Variants in ANAPC2 observed in about 807,000 individuals in gnomAD.
ANAPC2 encodes anaphase-promoting complex subunit 2.
In ANAPC2, 29 loss-of-function variants were observed where a neutral mutation model predicts 84.3. The observed-to-expected ratio is 0.34, with a 90% CI of 0.26 to 0.47. ANAPC2 has a LOEUF of 0.47. ANAPC2 is among the 20% of genes least tolerant of loss of function. The pLI, the probability that ANAPC2 is intolerant of heterozygous loss-of-function variation, is 1.00. For synonymous variants in ANAPC2, 571 were observed against 479.4 expected, an observed-to-expected ratio of 1.19 and a Z score of -2.50; for missense variants, 857 against 1,131.7, an observed-to-expected ratio of 0.76 and a Z score of 3.48.
chr9:137,188,207 C>A lies in ANAPC2; in HGVS notation c.118-104G>T. 4 of 1,442,172 alleles carry A rather than the reference C, an allele frequency of 2.8e-6. No homozygotes were observed. The South Asian group carries it at 3.9e-5, about 14-fold the overall frequency. 89.3% of individuals were successfully genotyped at this position (1,442,172 alleles called of 1,614,324 possible). On this transcript the variant is annotated intron_variant, in intron 1 of 12. Transcript: ENST00000323927. ...GGAGGCTGCAAAAACTCCGCTGCCC[C>A]CTGTCCGTGCTGCCCGGACGTTGGG... is the stretch of plus-strand genomic sequence containing the variant.
intron 6 of ANAPC2, among the ~76,000 whole-genome samples, chr9:137,182,412 G>A (rs1261945172): frequency 6.6e-6 from 1 of 152,110 alleles, no homozygotes; most frequent in Middle Eastern, 3.2e-3. Context: ...GGGAGGCTGA[G>A]GCAGGAGAAT....
chr9:137,180,940 G>C lies in ANAPC2; in HGVS notation c.1469-11C>G. The C allele has an allele frequency of 1.2e-6, 2 of 1,611,470 alleles. No homozygotes were observed. Among genetic ancestry groups the C allele is most frequent in the Non-Finnish European group, 1.7e-6 (2 of 1,179,036 alleles). Reference sequence around the variant, plus strand: ...TGGAGCTCGACTTCCCTGGCATGGTGGGGGCAGGGGTGTCACCTGACAGGC... The same window carrying C: ...TGGAGCTCGACTTCCCTGGCATGGTCGGGGCAGGGGTGTCACCTGACAGGC... On this transcript the variant is annotated splice_polypyrimidine_tract_variant and intron_variant, in intron 7 of 12. Coordinates refer to ENST00000323927, the MANE Select transcript of ANAPC2 (RefSeq NM_013366.4).
intron 10 of ANAPC2, chr9:137,176,077 G>T (rs1834203444): frequency 2.2e-6 from 1 of 454,854 alleles, no homozygotes; most frequent in Admixed American, 3.9e-5. Context: ...GGGGCCTCCT[G>T]ACCCCCAGTG....
At position 137,175,323 on chromosome 9, in the gene ANAPC2, G is replaced by A; in HGVS notation, c.2170C>T (p.Arg724Trp). Residue 724 changes from arginine to tryptophan, a missense_variant, in exon 12 of 13, where the codon CGG becomes TGG. Physicochemically the swap from Arg to Trp is moderately radical, Grantham distance 101 (BLOSUM62 -3). This residue lies in a region of ANAPC2 where 425 missense variants were observed against 595.5 expected (regional missense o/e 0.71). Transcript: ENST00000323927. ...CTGTCAATGAGCACCATGTTGTCCC[G>A]GTCCTGAGGCCGCTCCTCCTCAATG... ...SVIEEERPQDRDNMVLIDSDD... is the reference protein window; with the variant it reads ...SVIEEERPQDWDNMVLIDSDD... The A allele has an allele frequency of 5.6e-6, 9 of 1,612,642 alleles. No homozygotes were observed. Among genetic ancestry groups the A allele is most frequent in the Non-Finnish European group, 7.6e-6 (9 of 1,179,876 alleles).
At position 137,180,922 on chromosome 9, in the gene ANAPC2, C is replaced by T. The variant is rs748560944; in HGVS notation, c.1476G>A (p.Ser492=). 7.4e-6 allele frequency: 12 copies of T among 1,613,106 alleles called. No homozygotes were observed. Among genetic ancestry groups the T allele is most frequent in the East Asian group, 2.2e-5 (1 of 44,882 alleles). ...PDPVDADPGK[S]SSKRRSSDII... ...TGTCCGATGAACGCCGCTTGGAGCT[C>T]GACTTCCCTGGCATGGTGGGGGCAG... The change falls in exon 8 of 13, where the codon TCG becomes TCA. Residue 492 remains serine, a synonymous_variant. Transcript: ENST00000323927.
At chr9:137,184,553 C>G (rs548242861) in intron 4 of ANAPC2, among the ~76,000 whole-genome samples, 1 of 144,144 alleles carries the variant, frequency 6.9e-6, no homozygotes, top group South Asian at 2.3e-4. Flanking sequence ...GAGCCCCAGA[C>G]GCAGACACAG....
At chr9:137,185,171 A>G (rs1834435767) in intron 3 of ANAPC2, 84 bp from the exon 4 acceptor site, 1 of 1,379,940 alleles carries the variant, frequency 7.2e-7, no homozygotes, top group South Asian at 1.6e-5. Context: ...CCTCACGGCC[A>G]CCCACCCTGT....
At chr9:137,186,094 T>C (rs1588765177) in intron 3 of ANAPC2, 130 bp downstream of exon 3, 1 of 1,349,370 alleles carries the variant, frequency 7.4e-7, no homozygotes, top group Non-Finnish European at 1.0e-6. Context: ...TCAAGACAGC[T>C]CCAGCCACCA....
At position 137,175,328 on chromosome 9, in the gene ANAPC2, T is replaced by C; in HGVS notation, c.2165A>G (p.Gln722Arg). 5 of 1,612,610 alleles carry C rather than the reference T, an allele frequency of 3.1e-6. No homozygotes were observed. The highest frequency in any genetic ancestry group is 2.2e-5 in the East Asian group (1 of 44,874). ...TFSVIEEERP[Q>R]DRDNMVLIDS... is the part of the protein sequence containing the mutation. ...AATGAGCACCATGTTGTCCCGGTCC[T>C]GAGGCCGCTCCTCCTCAATGACAGA... The change falls in exon 12 of 13, where the codon CAG (glutamine) becomes CGG (arginine). Residue 722 changes from glutamine to arginine, a missense_variant. By Grantham distance (43) the Gln-to-Arg change is conservative (BLOSUM62 1). Around this residue, in one of 3 missense-constraint regions of ANAPC2, gnomAD observed 425 missense variants for 595.5 expected, o/e 0.71. Coordinates refer to ENST00000323927, the MANE Select transcript of ANAPC2 (RefSeq NM_013366.4).
Position 137,180,477 on chromosome 9 carries a change from A to G in ANAPC2, c.1661T>C (p.Met554Thr). 6.2e-7 allele frequency: 1 copy of G among 1,613,008 alleles called. No homozygotes were observed. The highest frequency in any genetic ancestry group is 8.5e-7 in the Non-Finnish European group (1 of 1,179,928). The change falls in exon 9 of 13, where the codon ATG becomes ACG. Residue 554 changes from methionine to threonine, a missense_variant. Around this residue, in one of 3 missense-constraint regions of ANAPC2, gnomAD observed 425 missense variants for 595.5 expected, o/e 0.71. Coordinates refer to ENST00000323927, the MANE Select transcript of ANAPC2 (RefSeq NM_013366.4). ...LLKLRFGEAP[M>T]HFCEVMLKDM... ...CTTCAGCATGACTTCACAGAAGTGC[A>G]TTGGGGCCTCGCCAAAGCGCAGCTT...
intron 11 of ANAPC2, 28 bp from the exon 12 acceptor site, chr9:137,175,500 G>A (rs1468734585): frequency 3.9e-6 from 6 of 1,526,436 alleles, no homozygotes; most frequent in African/African-American, 1.4e-5. Context: ...GGGACGCTGG[G>A]CAGCCTGGGC....
At chr9:137,175,209 T>TGGCCCCCC in intron 12 of ANAPC2, 28 bp downstream of exon 12, 2 of 1,597,344 alleles carry the variant, frequency 1.3e-6, no homozygotes, top group Non-Finnish European at 1.7e-6. Context: ...CCCCGCCCCC[T>TGGCCCCCC]GGCCCCCCGT....
At chr9:137,185,487 C>T (rs1052575830) in intron 3 of ANAPC2, among the ~76,000 whole-genome samples, 3 of 152,156 alleles carry the variant, frequency 2.0e-5, no homozygotes, top group African/African-American at 7.2e-5. Context: ...GCAATTCCGC[C>T]GCGGGGCCCA....
intron 10 of ANAPC2, among the ~76,000 whole-genome samples, chr9:137,178,804 G>C (rs1834278365): frequency 6.6e-6 from 1 of 152,140 alleles, no homozygotes; most frequent in African/African-American, 2.4e-5. Flanking sequence ...TCGCCACCAT[G>C]GTCAGCAGCC....
At chr9:137,175,914 G>A (rs1418308134) in intron 10 of ANAPC2, 77 bp from the exon 11 acceptor site, 11 of 1,490,278 alleles carry the variant, frequency 7.4e-6, no homozygotes, top group Non-Finnish European at 9.0e-6. Flanking sequence ...CCTGGTACCA[G>A]TGAGAAAGGG....
Position 137,175,688 on chromosome 9 carries a change from C to T in ANAPC2, c.2020+20G>A. 2 of 1,604,024 alleles carry T rather than the reference C, an allele frequency of 1.2e-6. No homozygotes were observed. Among genetic ancestry groups the T allele is most frequent in the Non-Finnish European group, 1.7e-6 (2 of 1,174,276 alleles). ...GGGCCGTGTGGCCGGGGCAGGCCAGCTAGGGGCTGGTGGGCTCACCTTGGT... is the reference window on the plus strand; with the variant it reads ...GGGCCGTGTGGCCGGGGCAGGCCAGTTAGGGGCTGGTGGGCTCACCTTGGT... On this transcript the variant is annotated intron_variant, in intron 11 of 12. Coordinates refer to ENST00000323927, the MANE Select transcript of ANAPC2 (RefSeq NM_013366.4).
Position 137,174,850 on chromosome 9 carries a change from T to C in ANAPC2, c.*92A>G. Reference sequence around the variant, plus strand: ...GGTGGGCATGCTCCTCAGCAGTGCATTCTGGGACACGGGCGGGCGGGGGCT... The same window carrying C: ...GGTGGGCATGCTCCTCAGCAGTGCACTCTGGGACACGGGCGGGCGGGGGCT... On this transcript the variant is annotated 3_prime_UTR_variant, in exon 13 of 13. Coordinates refer to ENST00000323927, the MANE Select transcript of ANAPC2 (RefSeq NM_013366.4). This position sits in a 1 kb window ranked among gnomAD's most constrained non-coding sequence, Gnocchi z 6.1. 6.9e-7 allele frequency: 1 copy of C among 1,453,484 alleles called. No individual in the cohort carries two copies. The highest frequency in any genetic ancestry group is 1.4e-5 in the South Asian group (1 of 72,582). 90.0% of individuals were successfully genotyped at this position (1,453,484 alleles called of 1,614,324 possible). A position where few individuals can be genotyped will look rare whatever the true frequency, so the allele number is the denominator to read the frequency against.
In ANAPC2 at chr9:137,183,289, A is replaced by G. The variant is rs369148597; in HGVS notation, c.1169-47T>C. On this transcript the variant is annotated intron_variant, in intron 5 of 12. Transcript: ENST00000323927. The stretch of plus-strand genomic sequence containing the variant: ...GCAGTCATGCAGTGCCCGGGACCAC[A>G]GCCTCCCAGGGGCAACACCCGAGTA... The G allele has an allele frequency of 4.0e-6, 6 of 1,499,598 alleles. No individual in the cohort carries two copies. In the African/African-American group the frequency reaches 5.5e-5, roughly 14 times the overall value. 92.9% of individuals were successfully genotyped at this position (1,499,598 alleles called of 1,614,324 possible).
intron 11 of ANAPC2, 110 bp downstream of exon 11, chr9:137,175,598 G>A (rs1834191030): frequency 3.3e-6 from 5 of 1,494,504 alleles, no homozygotes; most frequent in Non-Finnish European, 4.5e-6. Flanking sequence ...AGGGAAGGGT[G>A]CCGCCTGCTG....
Sources: gnomAD v4.1 joint callset for allele counts (sites outside exome capture counted in the v4.1 genomes callset) on GRCh38, gnomAD v4.1.1 for gene constraint, gnomAD v4.1.1 regional missense constraint, Gnocchi (gnomAD v3.1) non-coding constraint, MANE v1.5 for transcripts, NCBI Gene and HGNC (gene_info 2026-07-23, HGNC 2026-07-21) for gene names.